The following ADCY3 variants were observed in gnomAD, a reference collection of about 807,000 sequenced individuals.
ADCY3 encodes adenylate cyclase 3, also known as adenylate cyclase type 3.
Under a neutral mutation model 119.4 loss-of-function variants are expected in ADCY3, and 70 were observed. That is an observed-to-expected ratio of 0.59 (90% CI 0.48 to 0.72). ADCY3 has a LOEUF of 0.72. ADCY3 is among the 30% of genes least tolerant of loss of function. The pLI is 0.00. For missense variants in ADCY3, 1,238 were observed against 1,541.6 expected (o/e 0.80, Z 3.30); for synonymous variants, 672 against 621.4 (o/e 1.08, Z -1.21).
intron 21 of ADCY3, 187 bp downstream of exon 21, chr2:24,820,537 G>T (rs1667461670): frequency 1.4e-6 from 2 of 1,401,248 alleles, no homozygotes; most frequent in East Asian, 5.1e-5. Context: ...TTTGTGGATG[G>T]GTGGAAGTGT....
intron 21 of ADCY3, 63 bp downstream of exon 21, chr2:24,820,659 AGC>A: frequency 6.2e-7 from 1 of 1,600,432 alleles, no homozygotes; most frequent in East Asian, 2.2e-5. Context: ...CACGTGGGAA[AGC>A]ACTGTTCCGG....
In ADCY3 at chr2:24,820,000, C is replaced by G; in HGVS notation, c.3367G>C (p.Asp1123His). 1 of 1,612,948 alleles carries G rather than the reference C, an allele frequency of 6.2e-7. No homozygotes were observed. Among genetic ancestry groups the G allele is most frequent in the East Asian group, 2.2e-5 (1 of 44,690 alleles). Residue 1123 changes from aspartate to histidine, a missense_variant, in exon 22 of 22, where the codon GAT becomes CAT. By Grantham distance (81) the Asp-to-His change is moderately conservative. Transcript: ENST00000679454. ...ELLTFFLKGRDKLATFPNGPS... is the reference protein window; with the variant it reads ...ELLTFFLKGRHKLATFPNGPS... ...CCATTGGGGAAGGTGGCTAGCTTATCCCGCCCCTTCAAGAAGAAGGTCAGC... is the reference window on the plus strand; with the variant it reads ...CCATTGGGGAAGGTGGCTAGCTTATGCCGCCCCTTCAAGAAGAAGGTCAGC...
At chr2:24,846,751 G>A (rs1471289670) in intron 3 of ADCY3, among the ~76,000 whole-genome samples, 1 of 151,974 alleles carries the variant, frequency 6.6e-6, no homozygotes, top group Non-Finnish European at 1.5e-5. Flanking sequence ...GCTAATTTTT[G>A]TATTTTTAGT....
At position 24,872,558 on chromosome 2, in the gene ADCY3, C is replaced by A. The variant is rs77987654; in HGVS notation, c.825+12G>T. ...CCCAAGCTCCAGGCCCGAGGCCTCCCGAGAGCCTCACCTGCTGCTGGCTCT... is the reference window on the plus strand; with the variant it reads ...CCCAAGCTCCAGGCCCGAGGCCTCCAGAGAGCCTCACCTGCTGCTGGCTCT... On this transcript the variant is annotated intron_variant, in intron 3 of 21. Transcript: ENST00000679454. The surrounding 1 kb of genome is among the most constrained non-coding windows in gnomAD (Gnocchi z 4.4). 1.9e-6 allele frequency: 3 copies of A among 1,612,970 alleles called. No homozygotes were observed. In the East Asian group the frequency reaches 6.7e-5, roughly 36 times the overall value.
rs764037677 is a variant in ADCY3, at chr2:24,918,888, G to C, written c.100C>G (p.Arg34Gly). Residue 34 changes from arginine to glycine, a missense_variant, in exon 2 of 22, where the codon CGG becomes GGG. Physicochemically the swap from Arg to Gly is moderately radical, Grantham distance 125. Around this residue, in one of 7 missense-constraint regions of ADCY3, gnomAD observed 227 missense variants for 249.3 expected, o/e 0.91. Transcript: ENST00000679454. The surrounding 1 kb of genome is among the most constrained non-coding windows in gnomAD (Gnocchi z 5.4). ...TTCCGGACCGAGATTTCATGGGTCC[G>C]GCCCACCCCGCGGTCAGGGTCGGAG... is the stretch of plus-strand genomic sequence containing the variant. ...LPSDPDRGVG[R>G]THEISVRNSG... The C allele has an allele frequency of 6.2e-7, 1 of 1,612,976 alleles. No homozygotes were observed. The highest frequency in any genetic ancestry group is 8.5e-7 in the Non-Finnish European group (1 of 1,180,026).
Position 24,831,798 on chromosome 2 carries a change from T to C in ADCY3, c.1968-49A>G. On this transcript the variant is annotated intron_variant, in intron 11 of 21. Transcript: ENST00000679454. ...GGAGAGGCCAGAGGGGACAGTGAGA[T>C]GGGGTGAGGGGCTAGGAGAGGAAGG... The C allele has an allele frequency of 4.2e-6, 3 of 716,930 alleles. No individual in the cohort carries two copies. The South Asian group carries it at 6.3e-5, about 15-fold the overall frequency. 44.4% of individuals were successfully genotyped at this position (716,930 alleles called of 1,614,324 possible).
chr2:24,823,420 A>C, intron 17 of ADCY3, 65 bp from the exon 18 acceptor site: 1 of 1,566,030 alleles, frequency 6.4e-7, no homozygotes, highest in Non-Finnish European at 8.6e-7. Flanking sequence ...TGTTGGAGAA[A>C]TGCATCTATC....
At chr2:24,877,114 C>T (rs191250017) in intron 2 of ADCY3, among the ~76,000 whole-genome samples, 37 of 152,370 alleles carry the variant, frequency 2.4e-4, no homozygotes, top group Admixed American at 5.9e-4. Flanking sequence ...CCCTCCTCCT[C>T]CCCCATGTCC....
chr2:24,841,631 C>T lies in ADCY3; in HGVS notation c.993G>A (p.Leu331=), dbSNP rs749447278. Residue 331 remains leucine (L), a synonymous_variant, in exon 5 of 22, where the codon CTG becomes CTA. Coordinates refer to ENST00000679454, the MANE Select transcript of ADCY3 (RefSeq NM_004036.5). This position sits in a 1 kb window ranked among gnomAD's most constrained non-coding sequence, Gnocchi z 5.8. ...LFADIVGFTQ[L]SSACSAQELV... is the part of the protein sequence containing the mutation. Reference sequence around the variant, plus strand: ...GCTCCTGGGCACTGCAGGCAGAAGACAGCTGGGTAAAGCCCACGATGTCGG... The same window carrying T: ...GCTCCTGGGCACTGCAGGCAGAAGATAGCTGGGTAAAGCCCACGATGTCGG... The T allele has an allele frequency of 1.9e-6, 3 of 1,613,748 alleles. No individual in the cohort carries two copies. Among genetic ancestry groups the T allele is most frequent in the South Asian group, 1.1e-5 (1 of 91,076 alleles).
intron 2 of ADCY3, among the ~76,000 whole-genome samples, chr2:24,893,602 C>CTT (rs10707204): frequency 1.4e-5 from 2 of 146,524 alleles, no homozygotes; most frequent in Non-Finnish European, 3.0e-5. Context: ...CAATACCTGT[C>CTT]TTTTTTTTTT....
At chr2:24,896,168 G>A (rs1028482934) in intron 2 of ADCY3, among the ~76,000 whole-genome samples, 1 of 152,114 alleles carries the variant, frequency 6.6e-6, no homozygotes, top group Non-Finnish European at 1.5e-5. Context: ...GGCAGATCAT[G>A]AAGTCGGGAG....
chr2:24,852,653 G>A (rs952898200), intron 3 of ADCY3, among the ~76,000 whole-genome samples: 2 of 152,234 alleles, frequency 1.3e-5, no homozygotes, highest in Non-Finnish European at 2.9e-5. Flanking sequence ...CCCGGACCTC[G>A]ACAGAGGCCT....
At chr2:24,896,855 G>A (rs190181965) in intron 2 of ADCY3, among the ~76,000 whole-genome samples, 3 of 152,144 alleles carry the variant, frequency 2.0e-5, no homozygotes, top group East Asian at 1.9e-4. Context: ...TAGTAATCTC[G>A]CCAGTCTCCG....
At chr2:24,844,813 G>T (rs558221648) in intron 3 of ADCY3, among the ~76,000 whole-genome samples, 3 of 152,190 alleles carry the variant, frequency 2.0e-5, no homozygotes, top group Non-Finnish European at 4.4e-5. Flanking sequence ...GTGGTTTTGC[G>T]CTTTGATATG....
Position 24,834,433 on chromosome 2 carries a change from CGGCACCA to C in ADCY3, c.1967+45_1967+51del. On this transcript the variant is annotated intron_variant, in intron 11 of 21. Coordinates refer to ENST00000679454, the MANE Select transcript of ADCY3 (RefSeq NM_004036.5). This position sits in a 1 kb window ranked among gnomAD's most constrained non-coding sequence, Gnocchi z 4.2. ...GAGACACCTGCCCCCGCCCCCCGCCCGGCACCACCGCAGCCGAGGAAACTCGTGGCCC... is the reference window on the plus strand; with the variant it reads ...GAGACACCTGCCCCCGCCCCCCGCCCCCGCAGCCGAGGAAACTCGTGGCCC... The C allele has an allele frequency of 1.5e-6, 2 of 1,321,872 alleles. No homozygotes were observed. The highest frequency in any genetic ancestry group is 2.5e-5 in the South Asian group (2 of 79,400). The allele number at this position is 1,321,872 out of a possible 1,614,324, so 81.9% of individuals were successfully genotyped here.
intron 2 of ADCY3, among the ~76,000 whole-genome samples, chr2:24,911,184 T>C (rs1159166885): frequency 6.7e-6 from 1 of 150,308 alleles, no homozygotes; most frequent in Non-Finnish European, 1.5e-5. Context: ...GTTGGAACTA[T>C]CTCAACAGGC....
At chr2:24,871,010 T>A (rs1270936375) in intron 3 of ADCY3, among the ~76,000 whole-genome samples, 1 of 151,968 alleles carries the variant, frequency 6.6e-6, no homozygotes, top group Admixed American at 6.6e-5. Context: ...GACGGTTCAG[T>A]GTGAGTTAAG....
At chr2:24,867,471 G>T (rs1020464682) in intron 3 of ADCY3, among the ~76,000 whole-genome samples, 2 of 152,232 alleles carry the variant, frequency 1.3e-5, no homozygotes, top group Middle Eastern at 6.3e-3. Context: ...CTTCTGCCAT[G>T]TATGGACACC....
At chr2:24,847,391 G>A (rs1671776907) in intron 3 of ADCY3, among the ~76,000 whole-genome samples, 1 of 152,156 alleles carries the variant, frequency 6.6e-6, no homozygotes, top group South Asian at 2.1e-4. Context: ...CAGCATGAAT[G>A]TGGACTAAGA....
Sources: gnomAD v4.1 joint callset for allele counts (sites outside exome capture counted in the v4.1 genomes callset) on GRCh38, gnomAD v4.1.1 for gene constraint, gnomAD v4.1.1 regional missense constraint, Gnocchi (gnomAD v3.1) non-coding constraint, MANE v1.5 for transcripts, NCBI Gene and HGNC (gene_info 2026-07-23, HGNC 2026-07-21) for gene names.